CPQ: variants seen among roughly 807,000 people sequenced by gnomAD.
CPQ encodes the protein carboxypeptidase Q, also known as Ser-Met dipeptidase.
CPQ carries 37 observed loss-of-function variants against 45.7 expected under a neutral mutation model. The observed-to-expected ratio is 0.81, with a 90% CI of 0.62 to 1.07. The LOEUF is 1.07. Among genes scored for constraint, CPQ ranks in the 50% least tolerant of loss-of-function variants. The pLI is 0.00. For missense variants in CPQ, 537 were observed against 572.9 expected (o/e 0.94, Z 0.64); for synonymous variants, 186 against 205.8 (o/e 0.90, Z 0.82).
Position 97,043,787 on chromosome 8 carries a change from C to T in CPQ, c.1053+14293C>T, listed in dbSNP as rs201797301. The stretch of plus-strand genomic sequence containing the variant: ...TGAAATTCTGGTTTGAAAATTCTTT[C>T]CTTTAAGAATGTTGAATATTGGCCC... On this transcript the variant is annotated intron_variant, in intron 6 of 7. Coordinates refer to ENST00000220763, the MANE Select transcript of CPQ (RefSeq NM_016134.4). 1.7e-3 allele frequency among the ~76,000 whole-genome samples: 252 copies of T among 152,202 alleles called. 3 individuals carry two copies. Among genetic ancestry groups the T allele is most frequent in the Admixed American group, 0.013 (193 of 15,280 alleles).
intron 1 of CPQ, among the ~76,000 whole-genome samples, chr8:96,759,947 A>AT (rs951360930): frequency 1.1e-4 from 17 of 152,158 alleles, no homozygotes; most frequent in African/African-American, 4.1e-4. Context: ...GGGGAACTGC[A>AT]ATTTAGAGAG....
chr8:96,836,066 A>G (rs1424049783), intron 3 of CPQ, among the ~76,000 whole-genome samples: 1 of 152,230 alleles, frequency 6.6e-6, no homozygotes, highest in African/African-American at 2.4e-5. Flanking sequence ...CATGGGGAAA[A>G]GAAGCATAAC....
At chr8:96,849,221 A>G (rs1229905310) in intron 3 of CPQ, among the ~76,000 whole-genome samples, 1 of 152,198 alleles carries the variant, frequency 6.6e-6, no homozygotes, top group South Asian at 2.1e-4. Context: ...TCGCAATAGC[A>G]TACTCTGAAT....
At position 96,836,019 on chromosome 8, in the gene CPQ, G is replaced by A. The variant is rs111737015; in HGVS notation, c.641+839G>A. On this transcript the variant is annotated intron_variant, in intron 3 of 7. Coordinates refer to ENST00000220763, the MANE Select transcript of CPQ (RefSeq NM_016134.4). ...TTCAGCCTAGTTTAATAGCTATTATGGCAGTGTCATACGTTAAGGATAAAA... is the reference window on the plus strand; with the variant it reads ...TTCAGCCTAGTTTAATAGCTATTATAGCAGTGTCATACGTTAAGGATAAAA... Among the ~76,000 whole-genome samples, 318 of 152,282 alleles carry A rather than the reference G, an allele frequency of 2.1e-3. 2 individuals carry two copies. Among genetic ancestry groups the A allele is most frequent in the African/African-American group, 7.5e-3 (310 of 41,566 alleles).
intron 1 of CPQ, among the ~76,000 whole-genome samples, chr8:96,773,747 G>A (rs528947603): frequency 3.3e-5 from 5 of 152,236 alleles, no homozygotes; most frequent in South Asian, 4.1e-4. Flanking sequence ...ACCAGCATTC[G>A]GTGTCTGATG....
intron 1 of CPQ, among the ~76,000 whole-genome samples, chr8:96,734,265 C>T (rs1809949278): frequency 6.6e-6 from 1 of 152,202 alleles, no homozygotes; most frequent in South Asian, 2.1e-4. Flanking sequence ...TCCATCTCTA[C>T]AATCTTCTCT....
intron 5 of CPQ, among the ~76,000 whole-genome samples, chr8:97,017,895 C>G (rs892546523): frequency 1.3e-5 from 2 of 152,148 alleles, no homozygotes; most frequent in East Asian, 1.9e-4. Context: ...AGATGATGCT[C>G]TCTTGAATGT....
chr8:96,788,643 T>C (rs1810807949), intron 2 of CPQ, among the ~76,000 whole-genome samples: 1 of 152,128 alleles, frequency 6.6e-6, no homozygotes, highest in African/African-American at 2.4e-5. Flanking sequence ...TTGTTGATTT[T>C]CTTGCATGTG....
At chr8:97,086,376 T>C (rs1291893958) in intron 7 of CPQ, among the ~76,000 whole-genome samples, 9 of 152,168 alleles carry the variant, frequency 5.9e-5, no homozygotes, top group Non-Finnish European at 1.3e-4. Context: ...TTAACATCCA[T>C]GTGAATGGGT....
intron 5 of CPQ, among the ~76,000 whole-genome samples, chr8:96,997,484 C>T (rs186595750): frequency 1.1e-4 from 17 of 151,954 alleles, no homozygotes; most frequent in Admixed American, 2.0e-4. Context: ...TATGTGTTTT[C>T]ATAAATGTAT....
chr8:96,918,051 CT>C (rs1193415044), intron 4 of CPQ, among the ~76,000 whole-genome samples: 4 of 152,054 alleles, frequency 2.6e-5, no homozygotes, highest in Non-Finnish European at 5.9e-5. Flanking sequence ...TCATACTGTT[CT>C]CTTTAAAATT....
chr8:96,801,120 C>T lies in CPQ; in HGVS notation c.433+15790C>T, dbSNP rs1398870484. ...CCTCCCGAGTAGCTGGGATTACAGG[C>T]GTACACCACAACGCCCAGCTATTTT... On this transcript the variant is annotated intron_variant, in intron 2 of 7. Coordinates refer to ENST00000220763, the MANE Select transcript of CPQ (RefSeq NM_016134.4). Among the ~76,000 whole-genome samples the T allele has an allele frequency of 2.6e-5, 4 of 151,910 alleles. No homozygotes were observed. The South Asian group carries it at 6.2e-4, about 24-fold the overall frequency.
intron 1 of CPQ, among the ~76,000 whole-genome samples, chr8:96,745,264 C>T (rs574839049): frequency 7.0e-4 from 107 of 152,088 alleles, no homozygotes; most frequent in African/African-American, 2.6e-3. Flanking sequence ...GCTGAGATCA[C>T]ACCATTGCAC....
intron 1 of CPQ, among the ~76,000 whole-genome samples, chr8:96,722,417 C>T (rs534431809): frequency 6.6e-6 from 1 of 151,504 alleles, no homozygotes; most frequent in Admixed American, 6.6e-5. Flanking sequence ...TATAACCATA[C>T]CAGTTTTTTT....
At chr8:96,830,747 AC>A (rs1811446098) in intron 2 of CPQ, among the ~76,000 whole-genome samples, 2 of 152,136 alleles carry the variant, frequency 1.3e-5, no homozygotes, top group South Asian at 4.1e-4. Flanking sequence ...GATTAACAGC[AC>A]CCTGATCGAT....
intron 6 of CPQ, among the ~76,000 whole-genome samples, chr8:97,029,744 G>A (rs1809864472): frequency 6.6e-6 from 1 of 152,142 alleles, no homozygotes; most frequent in Admixed American, 6.5e-5. Flanking sequence ...CAATTGCCAT[G>A]CTGCCATTTT....
intron 7 of CPQ, among the ~76,000 whole-genome samples, chr8:97,130,133 C>T (rs541716782): frequency 4.6e-5 from 7 of 152,148 alleles, no homozygotes; most frequent in Non-Finnish European, 1.0e-4. Context: ...GTTCCATGTC[C>T]TCCATCATGA....
At chr8:96,790,055 C>T (rs1362150103) in intron 2 of CPQ, among the ~76,000 whole-genome samples, 1 of 152,048 alleles carries the variant, frequency 6.6e-6, no homozygotes, top group Non-Finnish European at 1.5e-5. Context: ...CTAGCAGTAT[C>T]GTGAAGCTAC....
chr8:96,691,755 G>T (rs1809307982), intron 1 of CPQ, among the ~76,000 whole-genome samples: 1 of 152,172 alleles, frequency 6.6e-6, no homozygotes, highest in African/African-American at 2.4e-5. Context: ...TTGGGTAGAA[G>T]TTAGCCTCCA....
Sources: gnomAD v4.1 joint callset for allele counts (sites outside exome capture counted in the v4.1 genomes callset) on GRCh38, gnomAD v4.1.1 for gene constraint, MANE v1.5 for transcripts, NCBI Gene and HGNC (gene_info 2026-07-23, HGNC 2026-07-21) for gene names.